Variants in SPTLC3 observed in about 807,000 individuals in gnomAD.
The protein encoded by SPTLC3 is serine palmitoyltransferase 3.
In SPTLC3, 36 loss-of-function variants were observed where a neutral mutation model predicts 59.3. The ratio of observed to expected loss-of-function variants is 0.61; its 90% CI spans 0.47 to 0.80. SPTLC3 has a LOEUF of 0.80. Ranked by LOEUF, SPTLC3 falls within the 30% of genes least tolerant of loss-of-function variation. The pLI, the probability that SPTLC3 is intolerant of heterozygous loss-of-function variation, is 0.00. For missense variants in SPTLC3, 625 were observed against 685.1 expected, an observed-to-expected ratio of 0.91 and a Z score of 0.98; for synonymous variants, 257 against 240.8, an observed-to-expected ratio of 1.07 and a Z score of -0.62.
At chr20:13,045,004 C>A (rs1302650654) in intron 1 of SPTLC3, among the ~76,000 whole-genome samples, 2 of 22,612 alleles carry the variant, frequency 8.8e-5, no homozygotes, top group Non-Finnish European at 3.0e-4. Flanking sequence ...ACCACACACA[C>A]ACACACACAC....
intron 2 of SPTLC3, among the ~76,000 whole-genome samples, chr20:13,058,029 T>C (rs1987798255): frequency 6.6e-6 from 1 of 152,166 alleles, no homozygotes; most frequent in Non-Finnish European, 1.5e-5. Context: ...ATGGCACCAA[T>C]GGTAATTCTG....
intron 5 of SPTLC3, among the ~76,000 whole-genome samples, chr20:13,091,613 G>T (rs945469657): frequency 1.3e-5 from 2 of 151,760 alleles, no homozygotes; most frequent in South Asian, 2.1e-4. Context: ...GGCTGAGAAG[G>T]TTCTTTTCGT....
chr20:13,063,626 T>A (rs1419676919), intron 2 of SPTLC3, among the ~76,000 whole-genome samples: 2 of 148,382 alleles, frequency 1.3e-5, no homozygotes, highest in Admixed American at 6.7e-5. Flanking sequence ...ATTTTTTAAA[T>A]TTTTTTTAAA....
intron 1 of SPTLC3, among the ~76,000 whole-genome samples, chr20:13,030,387 C>T (rs1986379704): frequency 6.6e-6 from 1 of 152,210 alleles, no homozygotes; most frequent in East Asian, 1.9e-4. Flanking sequence ...AACCACAAAT[C>T]ACTGTGAACC....
At chr20:13,056,613 T>C (rs1390629244) in intron 2 of SPTLC3, among the ~76,000 whole-genome samples, 1 of 152,016 alleles carries the variant, frequency 6.6e-6, no homozygotes, top group Non-Finnish European at 1.5e-5. Context: ...CACGCCTGGC[T>C]AATTTTTTAT....
chr20:13,151,173 G>C (rs942409780), intron 9 of SPTLC3, among the ~76,000 whole-genome samples: 15 of 152,312 alleles, frequency 9.8e-5, no homozygotes, highest in African/African-American at 3.6e-4. Context: ...CTGTCTCACA[G>C]ATTCTGCTAA....
chr20:13,110,160 A>G lies in SPTLC3; in HGVS notation c.875A>G (p.Gln292Arg). 1 of 1,613,726 alleles carries G rather than the reference A, an allele frequency of 6.2e-7. No individual in the cohort carries two copies. The highest frequency in any genetic ancestry group is 8.5e-7 in the Non-Finnish European group (1 of 1,179,776). The change falls in exon 7 of 12, where the codon CAG becomes CGG. Residue 292 changes from glutamine (Q) to arginine (R), a missense_variant. Transcript: ENST00000399002. Reference protein sequence around the residue: ...KLLRDAVIYGQPRTRRAWKKI... With the variant: ...KLLRDAVIYGRPRTRRAWKKI... Reference sequence around the variant, plus strand: ...CTGAGAGATGCTGTCATCTATGGCCAGCCTCGAACCCGCAGAGCTTGGAAA... The same window carrying G: ...CTGAGAGATGCTGTCATCTATGGCCGGCCTCGAACCCGCAGAGCTTGGAAA...
chr20:13,110,683 C>G (rs534635150), intron 7 of SPTLC3, among the ~76,000 whole-genome samples: 49 of 152,242 alleles, frequency 3.2e-4, no homozygotes, highest in Middle Eastern at 6.8e-3. Flanking sequence ...TACAAAAGAT[C>G]TGCCTGTTTT....
intron 1 of SPTLC3, among the ~76,000 whole-genome samples, chr20:13,035,096 C>T: frequency 6.6e-6 from 1 of 152,228 alleles, no homozygotes; most frequent in East Asian, 1.9e-4. Context: ...TCATGTTCCT[C>T]CCAGTTCTCA....
chr20:13,125,301 G>A (rs76761751), intron 8 of SPTLC3, among the ~76,000 whole-genome samples: 2,874 of 152,312 alleles, frequency 0.019, 56 homozygotes, highest in South Asian at 0.041. Flanking sequence ...GCATTCTGGA[G>A]TGGCTCAGCA....
chr20:13,053,039 T>A (rs1987563864), intron 2 of SPTLC3, among the ~76,000 whole-genome samples: 1 of 152,114 alleles, frequency 6.6e-6, no homozygotes, highest in Non-Finnish European at 1.5e-5. Flanking sequence ...GCACTCGAGC[T>A]CTGCTAAAGG....
At chr20:13,017,200 A>C (rs1044949166) in intron 1 of SPTLC3, among the ~76,000 whole-genome samples, 1 of 152,218 alleles carries the variant, frequency 6.6e-6, no homozygotes, top group Non-Finnish European at 1.5e-5. Flanking sequence ...ATTCTTAATA[A>C]AAATTTTAGC....
chr20:13,155,042 A>C lies in SPTLC3; in HGVS notation c.1415+904A>C, dbSNP rs11908122. ...CTAAAAATACAAAAATTAGGTGGGCATGGTGGTGCATGCCTGTAGTCCTAG... is the reference window on the plus strand; with the variant it reads ...CTAAAAATACAAAAATTAGGTGGGCCTGGTGGTGCATGCCTGTAGTCCTAG... On this transcript the variant is annotated intron_variant, in intron 10 of 11. Transcript: ENST00000399002. Among the ~76,000 whole-genome samples, 674 of 152,134 alleles carry C rather than the reference A, an allele frequency of 4.4e-3. 2 individuals carry two copies. The highest frequency in any genetic ancestry group is 0.014 in the Middle Eastern group (4 of 294).
chr20:13,133,208 T>C (rs1206860548), intron 9 of SPTLC3, among the ~76,000 whole-genome samples: 1 of 152,212 alleles, frequency 6.6e-6, no homozygotes, highest in Non-Finnish European at 1.5e-5. Context: ...CTTTTTATAG[T>C]TCCCGCTGCA....
intron 7 of SPTLC3, among the ~76,000 whole-genome samples, chr20:13,116,233 A>C (rs1990540632): frequency 6.6e-6 from 1 of 152,178 alleles, no homozygotes; most frequent in Non-Finnish European, 1.5e-5. Flanking sequence ...TAATACATTA[A>C]ATTTAATCTA....
intron 10 of SPTLC3, among the ~76,000 whole-genome samples, 158 bp downstream of exon 10, chr20:13,154,296 G>C (rs1354026931): frequency 6.6e-6 from 1 of 152,078 alleles, no homozygotes; most frequent in Non-Finnish European, 1.5e-5. Flanking sequence ...CTATCAGCTA[G>C]ACCCTTCCCA....
At chr20:13,152,319 C>T (rs141016180) in intron 9 of SPTLC3, among the ~76,000 whole-genome samples, 1 of 152,152 alleles carries the variant, frequency 6.6e-6, no homozygotes, top group Non-Finnish European at 1.5e-5. Context: ...TAATTATTGT[C>T]GTTATTACTA....
At chr20:13,040,357 T>A (rs1204139876) in intron 1 of SPTLC3, among the ~76,000 whole-genome samples, 1 of 151,810 alleles carries the variant, frequency 6.6e-6, no homozygotes, top group African/African-American at 2.4e-5. Flanking sequence ...GGAAGAAACG[T>A]GTATTTATAC....
intron 1 of SPTLC3, among the ~76,000 whole-genome samples, chr20:13,019,364 T>C (rs1985743308): frequency 2.0e-5 from 3 of 152,170 alleles, no homozygotes; most frequent in Non-Finnish European, 4.4e-5. Flanking sequence ...ACCTCTAAAC[T>C]ATAGGCAAAC....
Sources: gnomAD v4.1 joint callset for allele counts (sites outside exome capture counted in the v4.1 genomes callset) on GRCh38, gnomAD v4.1.1 for gene constraint, MANE v1.5 for transcripts, NCBI Gene and HGNC (gene_info 2026-07-23, HGNC 2026-07-21) for gene names.